Variants in CRB1 observed in about 807,000 individuals in gnomAD.
The protein encoded by CRB1 is protein crumbs homolog 1.
A neutral mutation model predicts 120.0 loss-of-function variants in CRB1; 83 were observed. The ratio of observed to expected loss-of-function variants is 0.69; its 90% CI spans 0.58 to 0.83. The LOEUF (loss-of-function observed/expected upper bound fraction) is 0.83, where lower values mean the gene tolerates loss of function less well. CRB1 is among the 40% of genes least tolerant of loss of function. The pLI, the probability that CRB1 is intolerant of heterozygous loss-of-function variation, is 0.00. For missense variants in CRB1, 1,699 were observed against 1,687.6 expected (o/e 1.01, Z -0.12); for synonymous variants, 625 against 612.5 (o/e 1.02, Z -0.30).
chr1:197,433,602 A>C (rs1664981708), intron 8 of CRB1, among the ~76,000 whole-genome samples: 1 of 152,166 alleles, frequency 6.6e-6, no homozygotes, highest in Non-Finnish European at 1.5e-5. Flanking sequence ...GAAAATAGAC[A>C]AAAAAGCAGC....
chr1:197,252,540 A>T, the CRB1 span, among the ~76,000 whole-genome samples: 28 of 13,536 alleles, frequency 2.1e-3, no homozygotes, highest in East Asian at 0.18. Flanking sequence ...AATAGATTTT[A>T]TATATATATA....
At chr1:197,258,115 A>G in the CRB1 span, among the ~76,000 whole-genome samples, 1 of 152,224 alleles carries the variant, frequency 6.6e-6, no homozygotes, top group South Asian at 2.1e-4. Context: ...ATAACACAAT[A>G]GGGTGACTAT....
chr1:197,260,800 G>A, the CRB1 span, among the ~76,000 whole-genome samples: 1 of 151,798 alleles, frequency 6.6e-6, no homozygotes, highest in African/African-American at 2.4e-5. Context: ...AGGTTCAAGA[G>A]ATGCTTCTGC....
intron 11 of CRB1, chr1:197,442,701 T>C: frequency 2.4e-6 from 1 of 422,936 alleles, no homozygotes; most frequent in South Asian, 4.3e-5. Context: ...CACTTCTATA[T>C]GTGAATGACC....
At chr1:197,405,685 T>C (rs113109508) in intron 5 of CRB1, among the ~76,000 whole-genome samples, 49,162 of 147,968 alleles carry the variant, frequency 0.33, 8,308 homozygotes, top group African/African-American at 0.43. Context: ...GCCTCTGCCC[T>C]GCCGCCCCGT....
intron 11 of CRB1, among the ~76,000 whole-genome samples, chr1:197,461,054 T>C (rs1351046169): frequency 6.6e-6 from 1 of 152,178 alleles, no homozygotes; most frequent in Admixed American, 6.6e-5. Context: ...GCTGGCAATA[T>C]GTAAATTATC....
chr1:197,277,437 T>G (rs572165493), intron 1 of CRB1, among the ~76,000 whole-genome samples: 1 of 152,132 alleles, frequency 6.6e-6, no homozygotes, highest in South Asian at 2.1e-4. Context: ...CAATTCAGTT[T>G]GCTTTGCACA....
chr1:197,327,913 A>G (rs888435442), intron 1 of CRB1, among the ~76,000 whole-genome samples: 2 of 152,208 alleles, frequency 1.3e-5, no homozygotes, highest in Non-Finnish European at 2.9e-5. Flanking sequence ...AAAAAGAAAA[A>G]AGAAAGGAAA....
At chr1:197,379,695 A>G (rs1381191609) in intron 5 of CRB1, among the ~76,000 whole-genome samples, 1 of 151,076 alleles carries the variant, frequency 6.6e-6, no homozygotes, top group African/African-American at 2.4e-5. Flanking sequence ...TGCTTTCCAT[A>G]TCATAGACTA....
chr1:197,213,037 A>G, the CRB1 span, among the ~76,000 whole-genome samples: 15 of 152,326 alleles, frequency 9.8e-5, no homozygotes, highest in East Asian at 2.5e-3. Flanking sequence ...AAACTATGAA[A>G]GTACTATACC....
At chr1:197,414,752 A>G (rs1249024915) in intron 5 of CRB1, among the ~76,000 whole-genome samples, 1 of 152,190 alleles carries the variant, frequency 6.6e-6, no homozygotes, top group Non-Finnish European at 1.5e-5. Context: ...TTGATTGACA[A>G]CAGATCTTGT....
the CRB1 span, among the ~76,000 whole-genome samples, chr1:197,239,066 G>A: frequency 1.4e-4 from 21 of 152,176 alleles, no homozygotes; most frequent in African/African-American, 4.8e-4. Context: ...TATTCTATCA[G>A]CTCCAGGGAT....
the CRB1 span, among the ~76,000 whole-genome samples, chr1:197,226,925 G>A: frequency 7.2e-5 from 11 of 152,108 alleles, no homozygotes; most frequent in Non-Finnish European, 1.6e-4. Context: ...TGTGAGGCTT[G>A]TTCACTACCA....
At chr1:197,237,782 A>G in the CRB1 span, among the ~76,000 whole-genome samples, 16 of 152,090 alleles carry the variant, frequency 1.1e-4, no homozygotes, top group East Asian at 3.1e-3. Context: ...AGGTTCATCA[A>G]TTTTATTGAT....
the CRB1 span, among the ~76,000 whole-genome samples, chr1:197,261,701 A>G: frequency 6.6e-6 from 1 of 152,112 alleles, no homozygotes; most frequent in East Asian, 1.9e-4. Context: ...TATTTATCCT[A>G]ATATTTGGGA....
chr1:197,245,702 A>G, the CRB1 span, among the ~76,000 whole-genome samples: 1 of 151,978 alleles, frequency 6.6e-6, no homozygotes, highest in South Asian at 2.1e-4. Context: ...AAGGGTCGCC[A>G]GGTCTATTTA....
rs1464001763 is a variant in CRB1 at position 197,344,322 on chromosome 1, C to A, written c.694C>A (p.Pro232Thr). 3 of 1,614,024 alleles carry A rather than the reference C, an allele frequency of 1.9e-6. No homozygotes were observed. The highest frequency in any genetic ancestry group is 1.3e-5 in the African/African-American group (1 of 74,898). The change falls in exon 3 of 12, where the codon CCT becomes ACT. Residue 232 changes from proline (P) to threonine (T), a missense_variant. Transcript: ENST00000367400. The stretch of plus-strand genomic sequence containing the variant: ...GGAAATTGACGAATGTTGGTCCCAG[C>A]CTTGTTTAAATGGTGCAACTTGTCA... ...ELEIDECWSQPCLNGATCQDA... is the reference protein window; with the variant it reads ...ELEIDECWSQTCLNGATCQDA...
the CRB1 span, among the ~76,000 whole-genome samples, chr1:197,254,324 C>A: frequency 1.3e-5 from 2 of 151,920 alleles, no homozygotes; most frequent in Non-Finnish European, 2.9e-5. Context: ...TCTATGCAAT[C>A]ATTATTTATA....
Position 197,421,569 on chromosome 1 carries a change from A to G in CRB1, c.1741A>G (p.Thr581Ala). The G allele has an allele frequency of 1.9e-6, 3 of 1,614,180 alleles. No individual in the cohort carries two copies. Among genetic ancestry groups the G allele is most frequent in the Non-Finnish European group, 2.5e-6 (3 of 1,180,040 alleles). Residue 581 changes from threonine to alanine, a missense_variant, in exon 6 of 12, where the codon ACC becomes GCC. Thr to Ala is a moderately conservative substitution (Grantham distance 58). Transcript: ENST00000367400. ...EVIFAEAVTL[T>A]LIDDSCKEKC... ...AATATTTGCAGAGGCTGTGACCCTT[A>G]CCTTAATCGACGACTCCTGTAAGGA...
Sources: gnomAD v4.1 joint callset for allele counts (sites outside exome capture counted in the v4.1 genomes callset) on GRCh38, gnomAD v4.1.1 for gene constraint, MANE v1.5 for transcripts, NCBI Gene and HGNC (gene_info 2026-07-23, HGNC 2026-07-21) for gene names.